CFAP54: variants seen among roughly 807,000 people sequenced by gnomAD.
CFAP54 encodes the protein cilia and flagella associated protein 54.
CFAP54 carries 290 observed loss-of-function variants against 370.4 expected under a neutral mutation model. That is an observed-to-expected ratio of 0.78 (90% CI 0.71 to 0.86). The LOEUF is 0.86. CFAP54 is among the 40% of genes least tolerant of loss of function. The probability of loss-of-function intolerance (pLI) is 0.00; values close to 1 mark genes in which losing one functional copy is unlikely to be tolerated. For synonymous variants in CFAP54, 1,206 were observed against 1,236.5 expected (o/e 0.98, Z 0.52); for missense variants, 3,399 against 3,528.7 (o/e 0.96, Z 0.93).
intron 1 of CFAP54, among the ~76,000 whole-genome samples, chr12:96,493,875 A>T (rs1244002830): frequency 6.6e-6 from 1 of 152,228 alleles, no homozygotes; most frequent in Non-Finnish European, 1.5e-5. Flanking sequence ...TCCCATTAGA[A>T]ATTAAAAAGA....
chr12:96,743,945 C>T (rs1958082388), intron 54 of CFAP54, 35 bp downstream of exon 54: 4 of 1,601,396 alleles, frequency 2.5e-6, no homozygotes, highest in Non-Finnish European at 3.4e-6. Flanking sequence ...GACATAGAAA[C>T]TTACTTTTCT....
intron 39 of CFAP54, among the ~76,000 whole-genome samples, chr12:96,664,155 G>T (rs775960534): frequency 3.9e-5 from 6 of 152,084 alleles, no homozygotes; most frequent in Non-Finnish European, 8.8e-5. Flanking sequence ...AAACTTTTAA[G>T]TGCAGGGGTC....
chr12:96,736,922 T>TG (rs1010567655), intron 50 of CFAP54, among the ~76,000 whole-genome samples: 30 of 152,348 alleles, frequency 2.0e-4, no homozygotes, highest in African/African-American at 7.2e-4. Flanking sequence ...GTACAGGCTC[T>TG]GGGGCTGATT....
chr12:96,635,381 A>G (rs1956653187), intron 32 of CFAP54, among the ~76,000 whole-genome samples: 1 of 152,128 alleles, frequency 6.6e-6, no homozygotes, highest in Non-Finnish European at 1.5e-5. Flanking sequence ...GATAAACTAC[A>G]TTATTACATA....
rs1369584738 is a variant in CFAP54, at chr12:96,489,752, A to G, written c.143A>G (p.Gln48Arg). 1.3e-6 allele frequency: 2 copies of G among 1,535,962 alleles called. No homozygotes were observed. Among genetic ancestry groups the G allele is most frequent in the Admixed American group, 2.0e-5 (1 of 50,976 alleles). The change falls in exon 1 of 68, where the codon CAG becomes CGG. Residue 48 changes from glutamine (Q) to arginine (R), a missense_variant. This residue lies in a region of CFAP54 where 559 missense variants were observed against 576.7 expected (regional missense o/e 0.97). Coordinates refer to ENST00000524981, the MANE Select transcript of CFAP54 (RefSeq NM_001306084.2). The part of the protein sequence containing the change: ...SKGSSRSSLL[Q>R]WTCPEDSLPL... Reference sequence around the variant, plus strand: ...GGGAGCTCCCGGAGCTCGCTGCTTCAGTGGACCTGCCCCGAGGACTCATTG... The same window carrying G: ...GGGAGCTCCCGGAGCTCGCTGCTTCGGTGGACCTGCCCCGAGGACTCATTG...
chr12:96,620,016 A>T (rs1641711), intron 26 of CFAP54, among the ~76,000 whole-genome samples: 89,170 of 151,420 alleles, frequency 0.59, 26,617 homozygotes, highest in Admixed American at 0.63. Context: ...ACAAATAAAA[A>T]TTTTTAAAAA....
rs559171186 is a variant in CFAP54 at position 96,506,089 on chromosome 12, T to C, written c.568-839T>C. On this transcript the variant is annotated intron_variant, in intron 3 of 67. Transcript: ENST00000524981. The stretch of plus-strand genomic sequence containing the variant: ...GCGCGGTGGCTCACGCCTGTAATCC[T>C]AGCACTTTGGGAGGCCGAGGCAGGC... Among the ~76,000 whole-genome samples, 543 of 152,160 alleles carry C rather than the reference T, an allele frequency of 3.6e-3. 1 individual carries two copies. Among genetic ancestry groups the C allele is most frequent in the African/African-American group, 0.012 (499 of 41,530 alleles).
intron 9 of CFAP54, among the ~76,000 whole-genome samples, chr12:96,531,395 G>A (rs1022483372): frequency 3.3e-5 from 5 of 151,764 alleles, no homozygotes; most frequent in Non-Finnish European, 7.4e-5. Flanking sequence ...GGATCTAGGG[G>A]TGGGTTTAGT....
At chr12:96,671,783 G>A (rs570338131) in intron 39 of CFAP54, among the ~76,000 whole-genome samples, 9 of 152,232 alleles carry the variant, frequency 5.9e-5, no homozygotes, top group Admixed American at 1.3e-4. Flanking sequence ...TTAGCTGGGC[G>A]TGGTGGCAGG....
chr12:96,768,852 A>G (rs931816780), intron 60 of CFAP54, among the ~76,000 whole-genome samples: 1 of 152,146 alleles, frequency 6.6e-6, no homozygotes, highest in Admixed American at 6.5e-5. Flanking sequence ...GAGGTATATT[A>G]TGGGGCAGGT....
At chr12:96,597,626 A>G (rs371012257) in intron 25 of CFAP54, among the ~76,000 whole-genome samples, 56 of 151,830 alleles carry the variant, frequency 3.7e-4, no homozygotes, top group African/African-American at 1.3e-3. Flanking sequence ...TTAGAAACAA[A>G]CAATGAATTA....
At chr12:96,604,032 G>A (rs1454405868) in intron 26 of CFAP54, among the ~76,000 whole-genome samples, 6 of 152,130 alleles carry the variant, frequency 3.9e-5, no homozygotes, top group Admixed American at 6.5e-5. Context: ...TGGAGAAGAG[G>A]CGTTCTGTTT....
intron 14 of CFAP54, among the ~76,000 whole-genome samples, chr12:96,541,619 C>T (rs773113043): frequency 4.5e-4 from 68 of 152,140 alleles, no homozygotes; most frequent in Non-Finnish European, 8.5e-4. Context: ...TTTGTTTTTC[C>T]TCCCCTTCCA....
At chr12:96,678,283 C>T (rs892262309) in intron 39 of CFAP54, among the ~76,000 whole-genome samples, 3 of 151,996 alleles carry the variant, frequency 2.0e-5, no homozygotes. Flanking sequence ...TTTTCTGAGA[C>T]GGAGTCACCC....
intron 26 of CFAP54, among the ~76,000 whole-genome samples, chr12:96,615,038 G>T (rs1360796624): frequency 1.3e-5 from 2 of 152,170 alleles, no homozygotes. Context: ...AACCAAAAAA[G>T]AGCCTGCATT....
rs116979393 is a variant in CFAP54, at chr12:96,535,823, A to G, written c.1791+223A>G. 6.4e-3 allele frequency among the ~76,000 whole-genome samples: 981 copies of G among 152,200 alleles called. 30 individuals carry two copies. Among genetic ancestry groups the G allele is most frequent in the Admixed American group, 0.045 (685 of 15,296 alleles). Reference sequence around the variant, plus strand: ...TTCCTTTTTGGGAAATTCTCAGGCTATGTTTCTAATAATGAAGGAAATGAG... The same window carrying G: ...TTCCTTTTTGGGAAATTCTCAGGCTGTGTTTCTAATAATGAAGGAAATGAG... On this transcript the variant is annotated intron_variant, in intron 12 of 67. Transcript: ENST00000524981.
At chr12:96,681,119 C>CCA (rs148319997) in intron 40 of CFAP54, among the ~76,000 whole-genome samples, 65 of 150,760 alleles carry the variant, frequency 4.3e-4, no homozygotes, top group East Asian at 2.8e-3. Context: ...AAGCACCCCC[C>CCA]CACACACACA....
In CFAP54 at chr12:96,557,885, GTTA is replaced by G. The variant is rs561961856; in HGVS notation, c.2410+3085_2410+3087del. ...AATTTATCATATAAGGAAAACTATA[GTTA>G]TCAGGTATGCAGGTAGTCCATAAAG... On this transcript the variant is annotated intron_variant, in intron 17 of 67. Coordinates refer to ENST00000524981, the MANE Select transcript of CFAP54 (RefSeq NM_001306084.2). 3.9e-4 allele frequency among the ~76,000 whole-genome samples: 59 copies of G among 152,122 alleles called. 1 individual carries two copies. In the South Asian group the frequency reaches 0.012, roughly 31 times the overall value.
chr12:96,703,246 GA>G lies in CFAP54; in HGVS notation c.6475-1493del, dbSNP rs1957511265. ...GAGCTAGCAGGAAAGCTAGATAGGGGAAAACCAATCCAGAGAGTGTGAACGA... is the reference window on the plus strand; with the variant it reads ...GAGCTAGCAGGAAAGCTAGATAGGGGAAACCAATCCAGAGAGTGTGAACGA... On this transcript the variant is annotated intron_variant, in intron 46 of 67. Transcript: ENST00000524981. Among the ~76,000 whole-genome samples the G allele has an allele frequency of 2.0e-5, 3 of 152,326 alleles. No homozygotes were observed. In the South Asian group the frequency reaches 6.2e-4, roughly 32 times the overall value.
Sources: allele counts gnomAD v4.1 joint callset (sites outside exome capture counted in the v4.1 genomes callset), GRCh38; gene constraint gnomAD v4.1.1; regional missense constraint gnomAD v4.1.1; transcripts MANE v1.5; gene names NCBI Gene and HGNC (gene_info 2026-07-23, HGNC 2026-07-21).